Variants in LARS1 observed in about 807,000 individuals in gnomAD.
LARS1 encodes the protein leucyl-tRNA synthetase 1.
Under a neutral mutation model 162.8 loss-of-function variants are expected in LARS1, and 100 were observed. The observed-to-expected ratio is 0.61, with a 90% CI of 0.52 to 0.73. The LOEUF (loss-of-function observed/expected upper bound fraction) is 0.73, where lower values mean the gene tolerates loss of function less well. Among genes scored for constraint, LARS1 ranks in the 30% least tolerant of loss-of-function variants. LARS1 has a pLI of 0.00. For synonymous variants in LARS1, 457 were observed against 462.8 expected (o/e 0.99, Z 0.16); for missense variants, 1,258 against 1,408.9 (o/e 0.89, Z 1.71).
chr5:146,162,573 TC>T (rs1753821996), intron 6 of LARS1, among the ~76,000 whole-genome samples: 1 of 152,174 alleles, frequency 6.6e-6, no homozygotes, highest in Admixed American at 6.6e-5. Context: ...CTTAAAATTT[TC>T]CAAATGGTAA....
intron 22 of LARS1, among the ~76,000 whole-genome samples, chr5:146,133,692 CAAAA>C (rs55993097): frequency 1.8e-5 from 2 of 112,310 alleles, no homozygotes; most frequent in South Asian, 6.1e-4. Flanking sequence ...TATAGGGTTG[CAAAA>C]AAAAAAAAAA....
chr5:146,154,005 AAAGGTG>A (rs756172356), intron 10 of LARS1, 25 bp from the exon 11 acceptor site: 1 of 1,484,582 alleles, frequency 6.7e-7, no homozygotes, highest in Non-Finnish European at 9.3e-7. Flanking sequence ...AATCAATATA[AAAGGTG>A]AAGTAATTCA....
At chr5:146,130,331 C>A in intron 24 of LARS1, 173 bp from the exon 25 acceptor site, 1 of 674,214 alleles carries the variant, frequency 1.5e-6, no homozygotes. Flanking sequence ...TTATCTTTGT[C>A]CAAAGTATAT....
intron 12 of LARS1, among the ~76,000 whole-genome samples, 184 bp downstream of exon 12, chr5:146,153,549 CA>C (rs1753386147): frequency 2.7e-5 from 1 of 37,384 alleles, no homozygotes; most frequent in Non-Finnish European, 6.5e-5. Context: ...AAAGCTTTTT[CA>C]AAATTCTGTG....
chr5:146,115,730 G>A (rs1356164138), intron 31 of LARS1, among the ~76,000 whole-genome samples: 1 of 151,944 alleles, frequency 6.6e-6, no homozygotes, highest in Non-Finnish European at 1.5e-5. Context: ...ATTTTATATG[G>A]CAGAAAAACA....
intron 1 of LARS1, among the ~76,000 whole-genome samples, chr5:146,178,792 C>T (rs1007604557): frequency 6.6e-6 from 1 of 152,066 alleles, no homozygotes; most frequent in African/African-American, 2.4e-5. Flanking sequence ...CACTTCAAAA[C>T]CTCTTCTTAA....
At chr5:146,120,551 G>T (rs1751775179) in intron 30 of LARS1, 48 bp from the exon 31 acceptor site, 2 of 1,567,982 alleles carry the variant, frequency 1.3e-6, no homozygotes, top group African/African-American at 1.4e-5. Flanking sequence ...TACTGCTGAG[G>T]GAGGAGGAAT....
In LARS1 at chr5:146,129,056, G is replaced by A. The variant is rs776395447; in HGVS notation, c.2691C>T (p.His897=). The change falls in exon 26 of 32, where the codon CAC becomes CAT. Residue 897 remains histidine (H), a synonymous_variant. Coordinates refer to ENST00000394434, the MANE Select transcript of LARS1 (RefSeq NM_020117.11). ...TTACTTCCATAAGATACTGTGAGGA[G>A]TGTATTAAAACTTCATTAACAGGAC... ...VAGPVNEVLI[H]SSQYLMEVTH... 1.9e-6 allele frequency: 3 copies of A among 1,610,824 alleles called. No homozygotes were observed. The East Asian group carries it at 6.7e-5, about 36-fold the overall frequency.
chr5:146,150,617 A>ACT (rs1297479307), intron 14 of LARS1, among the ~76,000 whole-genome samples: 1 of 116,574 alleles, frequency 8.6e-6, no homozygotes, highest in Admixed American at 1.1e-4. Flanking sequence ...ACACAGCAAG[A>ACT]CTCCGTCTCA....
At chr5:146,166,853 TTA>T (rs199578708) in intron 5 of LARS1, among the ~76,000 whole-genome samples, 3 of 25,436 alleles carry the variant, frequency 1.2e-4, no homozygotes, top group African/African-American at 1.9e-4. Context: ...TATTAATTAT[TTA>T]AAAAAAAATG....
At chr5:146,125,013 ACACG>A (rs912640457) in intron 28 of LARS1, among the ~76,000 whole-genome samples, 40 of 151,870 alleles carry the variant, frequency 2.6e-4, no homozygotes, top group Non-Finnish European at 3.8e-4. Context: ...ACACACACAC[ACACG>A]CACACACACA....
chr5:146,122,389 A>T, intron 30 of LARS1, 103 bp downstream of exon 30: 1 of 643,892 alleles, frequency 1.6e-6, no homozygotes. Flanking sequence ...ATTTCTCTGG[A>T]CCTTACTTTG....
chr5:146,128,721 T>C lies in LARS1; in HGVS notation c.2831A>G (p.Tyr944Cys), dbSNP rs138579998. ...SHCTIYVAKN[Y>C]PPWQHTTLSV... ...CAGGGTGGTATGTTGCCAAGGTGGA[T>C]AGTTCTTTGCCACATAGATGGTGCA... Residue 944 changes from tyrosine to cysteine, a missense_variant, in exon 27 of 32, where the codon TAT becomes TGT. Tyr to Cys is a radical substitution (Grantham distance 194). Transcript: ENST00000394434. 23 of 1,599,050 alleles carry C rather than the reference T, an allele frequency of 1.4e-5. 1 individual carries two copies. The highest frequency in any genetic ancestry group is 2.0e-5 in the Non-Finnish European group (23 of 1,176,072).
At position 146,181,848 on chromosome 5, in the gene LARS1, C is replaced by CTTTTTTTTTTTTTTTTT. The variant is rs34658033; in HGVS notation, c.6+623_6+639dup. 4.6e-3 allele frequency among the ~76,000 whole-genome samples: 245 copies of CTTTTTTTTTTTTTTTTT among 53,038 alleles called. 37 individuals carry two copies. The highest frequency in any genetic ancestry group is 6.6e-3 in the East Asian group (7 of 1,066). 34.8% of individuals were successfully genotyped at this position (53,038 alleles called of 152,430 possible). Reference sequence around the variant, plus strand: ...TTTACGGAGAGGCGCTCAATTTTTTCTTTTTTTTTTTTTTTTTTTTTTTTT... The same window carrying CTTTTTTTTTTTTTTTTT: ...TTTACGGAGAGGCGCTCAATTTTTTCTTTTTTTTTTTTTTTTTTTTTTTTTTTTTTTTTTTTTTTTTT... On this transcript the variant is annotated intron_variant, in intron 1 of 31. Transcript: ENST00000394434.
chr5:146,120,273 G>C (rs1581002544), intron 31 of LARS1, 98 bp downstream of exon 31: 41 of 1,260,072 alleles, frequency 3.3e-5, no homozygotes, highest in South Asian at 9.0e-5. Flanking sequence ...ATACACAGCT[G>C]TCCATAAGCA....
chr5:146,134,630 T>C (rs1359132535), intron 22 of LARS1, among the ~76,000 whole-genome samples: 1 of 152,114 alleles, frequency 6.6e-6, no homozygotes, highest in Non-Finnish European at 1.5e-5. Flanking sequence ...AAATCAATGT[T>C]CCCAGGTTCA....
intron 6 of LARS1, among the ~76,000 whole-genome samples, chr5:146,164,045 T>C (rs530306994): frequency 1.3e-5 from 2 of 152,210 alleles, no homozygotes; most frequent in South Asian, 2.1e-4. Context: ...CCAAAACAAT[T>C]AGAATAATAA....
At chr5:146,150,701 G>A (rs960642226) in intron 14 of LARS1, among the ~76,000 whole-genome samples, 2 of 151,468 alleles carry the variant, frequency 1.3e-5, no homozygotes, top group East Asian at 1.9e-4. Flanking sequence ...ACTTTGGGAG[G>A]CCAAGGTGGG....
At chr5:146,144,221 G>A (rs746636078) in intron 18 of LARS1, 46 bp downstream of exon 18, 11 of 1,396,166 alleles carry the variant, frequency 7.9e-6, no homozygotes, top group Non-Finnish European at 1.1e-5. Flanking sequence ...TATTTTCTGT[G>A]TAACTGGCAA....
Sources: allele counts gnomAD v4.1 joint callset (sites outside exome capture counted in the v4.1 genomes callset), GRCh38; gene constraint gnomAD v4.1.1; transcripts MANE v1.5; gene names NCBI Gene and HGNC (gene_info 2026-07-23, HGNC 2026-07-21).